Variants in ENPP1 observed in about 807,000 individuals in gnomAD.
ENPP1 encodes ectonucleotide pyrophosphatase/phosphodiesterase family member 1.
Under a neutral mutation model 122.8 loss-of-function variants are expected in ENPP1, and 73 were observed. The observed-to-expected ratio is 0.59, with a 90% CI of 0.49 to 0.72. The LOEUF (loss-of-function observed/expected upper bound fraction) is 0.72, where lower values mean the gene tolerates loss of function less well. Ranked by LOEUF, ENPP1 falls within the 30% of genes least tolerant of loss-of-function variation. ENPP1 has a pLI of 0.00. For synonymous variants in ENPP1, 367 were observed against 391.6 expected, an observed-to-expected ratio of 0.94 and a Z score of 0.74; for missense variants, 978 against 1,128.1, an observed-to-expected ratio of 0.87 and a Z score of 1.91.
Position 131,808,195 on chromosome 6 carries a change from G to C in ENPP1, c.160G>C (p.Asp54His). 1.3e-6 allele frequency: 2 copies of C among 1,505,992 alleles called. No homozygotes were observed. The highest frequency in any genetic ancestry group is 2.5e-5 in the South Asian group (2 of 79,082). The allele number at this position is 1,505,992 out of a possible 1,614,324, so 93.3% of individuals were successfully genotyped here. A position where few individuals can be genotyped will look rare whatever the true frequency, so the allele number is the denominator to read the frequency against. The change falls in exon 1 of 25, where the codon GAC becomes CAC. Residue 54 changes from aspartate (D) to histidine (H), a missense_variant. Physicochemically the swap from Asp to His is moderately conservative, Grantham distance 81. This residue lies in a region of ENPP1 where 330 missense variants were observed against 328.5 expected (regional missense o/e 1.00). Transcript: ENST00000647893. ...QAAASLLAPM[D>H]VGEEPLEKAA... ...GGCCGCGTCCTTGCTGGCCCCTATG[G>C]ACGTGGGGGAGGAGCCGCTGGAGAA... is the stretch of plus-strand genomic sequence containing the variant.
chr6:131,813,672 C>T (rs75276850), intron 1 of ENPP1, among the ~76,000 whole-genome samples: 2,362 of 152,220 alleles, frequency 0.016, 66 homozygotes, highest in African/African-American at 0.054. Flanking sequence ...GAGACGTTTT[C>T]GCGGTCTTAT....
At chr6:131,812,847 A>C (rs1781370156) in intron 1 of ENPP1, among the ~76,000 whole-genome samples, 1 of 150,996 alleles carries the variant, frequency 6.6e-6, no homozygotes, top group Non-Finnish European at 1.5e-5. Context: ...GCATATTCAG[A>C]GATTTTTTTT....
chr6:131,859,683 C>G (rs1781993023), intron 7 of ENPP1, among the ~76,000 whole-genome samples: 1 of 152,076 alleles, frequency 6.6e-6, no homozygotes, highest in African/African-American at 2.4e-5. Context: ...TACCTTGCCT[C>G]TAGTGGACAA....
intron 2 of ENPP1, among the ~76,000 whole-genome samples, chr6:131,849,075 C>T (rs1781849411): frequency 6.6e-6 from 1 of 151,878 alleles, no homozygotes; most frequent in South Asian, 2.1e-4. Flanking sequence ...AATTTTCTAG[C>T]TCTCCAGTGA....
intron 7 of ENPP1, among the ~76,000 whole-genome samples, chr6:131,859,259 T>G (rs1369971171): frequency 6.6e-6 from 1 of 152,172 alleles, no homozygotes. Context: ...AGAAAATTAG[T>G]ATGTTAGCTT....
chr6:131,883,714 G>C lies in ENPP1; in HGVS notation c.2251G>C (p.Gly751Arg), dbSNP rs1782341751. 1 of 1,499,666 alleles carries C rather than the reference G, an allele frequency of 6.7e-7. No homozygotes were observed. Among genetic ancestry groups the C allele is most frequent in the Non-Finnish European group, 9.3e-7 (1 of 1,077,028 alleles). The allele number at this position is 1,499,666 out of a possible 1,614,324, so 92.9% of individuals were successfully genotyped here. The part of the protein sequence containing the change: ...SPPQLNKNSS[G>R]IYSEALLTTN... ...TGTAGAACTAAATAAAAATTCAAGT[G>C]GAATATATTCTGAAGCTTTGCTTAC... is the stretch of plus-strand genomic sequence containing the variant. The change falls in exon 22 of 25, where the codon GGA becomes CGA. Residue 751 changes from glycine to arginine, a missense_variant. Gly to Arg is a moderately radical substitution (Grantham distance 125, BLOSUM62 -2). This residue lies in a region of ENPP1 where 644 missense variants were observed against 781.5 expected (regional missense o/e 0.82). Transcript: ENST00000647893.
intron 1 of ENPP1, among the ~76,000 whole-genome samples, chr6:131,817,704 T>A (rs1781430858): frequency 6.6e-6 from 1 of 150,594 alleles, no homozygotes; most frequent in Admixed American, 6.6e-5. Context: ...CATGTCTATC[T>A]CTCTCTCTCT....
intron 1 of ENPP1, chr6:131,828,321 G>T: frequency 2.1e-6 from 1 of 483,548 alleles, no homozygotes; most frequent in Non-Finnish European, 4.0e-6. Context: ...TCAGCATGAT[G>T]TAATACCAGA....
intron 16 of ENPP1, among the ~76,000 whole-genome samples, chr6:131,875,376 T>C (rs1007430130): frequency 6.6e-6 from 1 of 152,194 alleles, no homozygotes; most frequent in African/African-American, 2.4e-5. Context: ...ATCAGACTTA[T>C]GTTCTGAGAA....
chr6:131,830,185 T>C (rs1781593551), intron 1 of ENPP1, among the ~76,000 whole-genome samples: 1 of 152,122 alleles, frequency 6.6e-6, no homozygotes, highest in East Asian at 1.9e-4. Flanking sequence ...GTGATGCTCT[T>C]TGGAGGCTGT....
At position 131,811,339 on chromosome 6, in the gene ENPP1, G is replaced by C. The variant is rs149154729; in HGVS notation, c.240+3064G>C. Among the ~76,000 whole-genome samples the C allele has an allele frequency of 1.3e-3, 188 of 143,350 alleles. 1 individual carries two copies. Among genetic ancestry groups the C allele is most frequent in the African/African-American group, 4.6e-3 (180 of 38,962 alleles). 94.0% of individuals were successfully genotyped at this position (143,350 alleles called of 152,430 possible). ...AGACTACTTTCATGTTTCAGTGAAA[G>C]AGTTCTTTAAAAAAACATATATCTA... On this transcript the variant is annotated intron_variant, in intron 1 of 24. Coordinates refer to ENST00000647893, the MANE Select transcript of ENPP1 (RefSeq NM_006208.3).
intron 1 of ENPP1, among the ~76,000 whole-genome samples, chr6:131,832,130 TCTG>T (rs988471406): frequency 2.0e-5 from 3 of 152,204 alleles, no homozygotes; most frequent in African/African-American, 7.2e-5. Flanking sequence ...TTCCTTACTT[TCTG>T]GCCCTACAGG....
intron 20 of ENPP1, among the ~76,000 whole-genome samples, chr6:131,881,739 CA>C (rs1782311427): frequency 1.3e-5 from 2 of 151,932 alleles, no homozygotes; most frequent in Non-Finnish European, 1.5e-5. Flanking sequence ...AAAAATTAGC[CA>C]GGCGTGGTGG....
Position 131,868,046 on chromosome 6 carries a change from G to A in ENPP1, c.1193G>A (p.Gly398Asp), listed in dbSNP as rs1165149823. The change falls in exon 12 of 25, where the codon GGT (glycine) becomes GAT (aspartate). Residue 398 changes from glycine to aspartate, a missense_variant. By Grantham distance (94) the Gly-to-Asp change is moderately conservative. Transcript: ENST00000647893. ...EVIKALQRVD[G>D]MVGMLMDGLK... ...ATCAAAGCCTTGCAGAGGGTTGATG[G>A]TATGGTTGGTATGCTGATGGATGGT... 3 of 1,613,414 alleles carry A rather than the reference G, an allele frequency of 1.9e-6. No individual in the cohort carries two copies. Among genetic ancestry groups the A allele is most frequent in the Admixed American group, 1.7e-5 (1 of 59,946 alleles).
intron 20 of ENPP1, among the ~76,000 whole-genome samples, chr6:131,880,282 G>T (rs1418117266): frequency 6.6e-6 from 1 of 152,038 alleles, no homozygotes; most frequent in Admixed American, 6.6e-5. Context: ...TTCTCTTTTG[G>T]GCTGTGCGCA....
intron 3 of ENPP1, among the ~76,000 whole-genome samples, chr6:131,850,921 A>G (rs1364557020): frequency 6.6e-6 from 1 of 152,184 alleles, no homozygotes; most frequent in African/African-American, 2.4e-5. Context: ...GAAAATGACA[A>G]AATTCTGGAC....
intron 13 of ENPP1, 146 bp from the exon 14 acceptor site, chr6:131,871,924 G>A: frequency 1.5e-6 from 1 of 671,182 alleles, no homozygotes; most frequent in South Asian, 1.8e-5. Flanking sequence ...CCTTTCAGTG[G>A]CTACAATGTA....
At chr6:131,857,665 G>A (rs1273037373) in intron 6 of ENPP1, among the ~76,000 whole-genome samples, 2 of 152,098 alleles carry the variant, frequency 1.3e-5, no homozygotes, top group Non-Finnish European at 2.9e-5. Context: ...TGGGGTGAGG[G>A]GGGAGCGATA....
chr6:131,816,287 C>G (rs778656785), intron 1 of ENPP1, among the ~76,000 whole-genome samples: 3 of 151,746 alleles, frequency 2.0e-5, no homozygotes, highest in Non-Finnish European at 1.5e-5. Flanking sequence ...AACTTAGGAA[C>G]AAATAAGCAT....
Sources: allele counts gnomAD v4.1 joint callset (sites outside exome capture counted in the v4.1 genomes callset), GRCh38; gene constraint gnomAD v4.1.1; regional missense constraint gnomAD v4.1.1; transcripts MANE v1.5; gene names NCBI Gene and HGNC (gene_info 2026-07-23, HGNC 2026-07-21).